Variants in CREBBP observed in about 807,000 individuals in gnomAD.
The protein encoded by CREBBP is CREB binding lysine acetyltransferase, also known as CREB-binding protein.
In CREBBP, 19 loss-of-function variants were observed where a neutral mutation model predicts 265.0. That is an observed-to-expected ratio of 0.07 (90% CI 0.05 to 0.11). The LOEUF is 0.11. CREBBP is among the 10% of genes least tolerant of loss of function. The probability of loss-of-function intolerance (pLI) is 1.00; values close to 1 mark genes in which losing one functional copy is unlikely to be tolerated. For synonymous variants in CREBBP, 1,457 were observed against 1,223.7 expected, an observed-to-expected ratio of 1.19 and a Z score of -3.98; for missense variants, 2,525 against 3,219.0, an observed-to-expected ratio of 0.78 and a Z score of 5.22.
At chr16:3,779,921 T>A (rs2053233255) in intron 8 of CREBBP, among the ~76,000 whole-genome samples, 1 of 151,934 alleles carries the variant, frequency 6.6e-6, no homozygotes, top group Non-Finnish European at 1.5e-5. Context: ...TTGGGTAACC[T>A]GGCAAGACTC....
chr16:3,835,664 C>T (rs867436742), intron 2 of CREBBP, among the ~76,000 whole-genome samples: 7 of 148,898 alleles, frequency 4.7e-5, no homozygotes, highest in South Asian at 2.1e-4. Flanking sequence ...ACTGCAAGCT[C>T]CGCCTCCCAG....
intron 2 of CREBBP, among the ~76,000 whole-genome samples, chr16:3,819,336 C>T (rs1301513692): frequency 6.6e-6 from 1 of 152,204 alleles, no homozygotes; most frequent in African/African-American, 2.4e-5. Flanking sequence ...TGCGTGAGAA[C>T]TAAACAAGTT....
chr16:3,880,164 G>GGCCCCCTCATCCCCT lies in CREBBP; in HGVS notation c.-263_-249dup, dbSNP rs2055501450. 8.0e-6 allele frequency: 1 copy of GGCCCCCTCATCCCCT among 125,160 alleles called. No individual in the cohort carries two copies. The highest frequency in any genetic ancestry group is 1.7e-5 in the Non-Finnish European group (1 of 58,182). The allele number at this position is 125,160 out of a possible 1,614,324, so 7.8% of individuals were successfully genotyped here. ...GGCCGCCGCCGCCGCCGCCGGCCGCGGCCCCCTCATCCCCTGCCCGCCTCC... is the reference window on the plus strand; with the variant it reads ...GGCCGCCGCCGCCGCCGCCGGCCGCGGCCCCCTCATCCCCTGCCCCCTCATCCCCTGCCCGCCTCC... On this transcript the variant is annotated 5_prime_UTR_variant, in exon 1 of 31. The change creates a new upstream start codon in the 5' untranslated region. Coordinates refer to ENST00000262367, the MANE Select transcript of CREBBP (RefSeq NM_004380.3).
intron 5 of CREBBP, chr16:3,791,179 G>C (rs1315607817): frequency 6.5e-6 from 1 of 152,942 alleles, no homozygotes; most frequent in Non-Finnish European, 1.5e-5. Flanking sequence ...CACACCCAAA[G>C]ACCACAGTTT....
intron 23 of CREBBP, 161 bp from the exon 24 acceptor site, chr16:3,740,710 G>GT: frequency 1.1e-6 from 1 of 880,928 alleles, no homozygotes; most frequent in Non-Finnish European, 1.8e-6. Context: ...TGACACGAGT[G>GT]TTATATAAAG....
rs746343058 is a variant in CREBBP at position 3,757,968 on chromosome 16, G to A, written c.3450C>T (p.Pro1150=). The change falls in exon 18 of 31, where the codon CCC becomes CCT. Residue 1150 remains proline (P), a synonymous_variant. Transcript: ENST00000262367. ...GCCAGACGTCGTCCACGTACTGCCA[G>A]GGCTCTTGGTATTGCCCTGTGTCCA... ...RKLDTGQYQE[P]WQYVDDVWLM... The A allele has an allele frequency of 9.3e-6, 15 of 1,613,792 alleles. No individual in the cohort carries two copies. Among genetic ancestry groups the A allele is most frequent in the Non-Finnish European group, 1.3e-5 (15 of 1,180,008 alleles).
At position 3,759,530 on chromosome 16, in the gene CREBBP, T is replaced by C. The variant is rs554458147; in HGVS notation, c.3251-558A>G. ...TGAACCCAGGAGACGGAGGTTGCAGTGAGCCGAGATTGCGCCACTGCACTC... is the reference window on the plus strand; with the variant it reads ...TGAACCCAGGAGACGGAGGTTGCAGCGAGCCGAGATTGCGCCACTGCACTC... On this transcript the variant is annotated intron_variant, in intron 16 of 30. Transcript: ENST00000262367. Among the ~76,000 whole-genome samples, 3 of 148,406 alleles carry C rather than the reference T, an allele frequency of 2.0e-5. No individual in the cohort carries two copies. In the East Asian group the frequency reaches 6.0e-4, roughly 30 times the overall value.
At chr16:3,848,585 CT>C (rs1457106778) in intron 2 of CREBBP, among the ~76,000 whole-genome samples, 1 of 151,980 alleles carries the variant, frequency 6.6e-6, no homozygotes, top group African/African-American at 2.4e-5. Context: ...AAAGAAATCT[CT>C]TTGGGGTCCT....
At chr16:3,851,306 T>TAAAAAAAAAAAAAAAAAAAAAAAAATA (rs1160251196) in intron 1 of CREBBP, among the ~76,000 whole-genome samples, 5 of 76,484 alleles carry the variant, frequency 6.5e-5, no homozygotes, top group Non-Finnish European at 1.5e-4. Flanking sequence ...AAAAAAAAAT[T>TAAAAAAAAAAAAAAAAAAAAAAAAATA]AAAAAAAAAA....
At position 3,726,388 on chromosome 16, in the gene CREBBP, C is replaced by T. The variant is rs1028683030; in HGVS notation, c.*1330G>A. ...GTGAGCGACAATCACCTGTGAGCCT[C>T]GAATGTGTGGGGCCAACGCTGAGCC... is the stretch of plus-strand genomic sequence containing the variant. On this transcript the variant is annotated 3_prime_UTR_variant, in exon 31 of 31. Coordinates refer to ENST00000262367, the MANE Select transcript of CREBBP (RefSeq NM_004380.3). 3.9e-5 allele frequency: 9 copies of T among 233,222 alleles called. No homozygotes were observed. Among genetic ancestry groups the T allele is most frequent in the Non-Finnish European group, 6.8e-5 (8 of 118,102 alleles). The allele number at this position is 233,222 out of a possible 1,614,324, so 14.4% of individuals were successfully genotyped here.
At chr16:3,773,691 C>A (rs2141213685) in intron 13 of CREBBP, 60 bp downstream of exon 13, 1 of 1,576,632 alleles carries the variant, frequency 6.3e-7, no homozygotes, top group South Asian at 1.2e-5. Flanking sequence ...AAAAAAAAAC[C>A]AAAACTTAAC....
At chr16:3,735,834 C>T (rs1596803036) in intron 28 of CREBBP, among the ~76,000 whole-genome samples, 1 of 152,180 alleles carries the variant, frequency 6.6e-6, no homozygotes. Context: ...ACCCCCAGCT[C>T]CCCAGAGCAT....
In CREBBP at chr16:3,731,871, T is replaced by C. The variant is rs766942126; in HGVS notation, c.4795A>G (p.Ser1599Gly). The change falls in exon 29 of 31, where the codon AGC (serine) becomes GGC (glycine). Residue 1599 changes from serine to glycine, a missense_variant. By Grantham distance (56) the Ser-to-Gly change is moderately conservative. Coordinates refer to ENST00000262367, the MANE Select transcript of CREBBP (RefSeq NM_004380.3). This position sits in a 1 kb window ranked among gnomAD's most constrained non-coding sequence, Gnocchi z 7.7. ...TTCTTCTTGTTGGCGCGGCTGATGCTGCTTTTGTTCTTGTTGGTTTTCTTG... is the reference window on the plus strand; with the variant it reads ...TTCTTCTTGTTGGCGCGGCTGATGCCGCTTTTGTTCTTGTTGGTTTTCTTG... Reference protein sequence around the residue: ...NNKKTNKNKSSISRANKKKPS... With the variant: ...NNKKTNKNKSGISRANKKKPS... 1 of 1,614,274 alleles carries C rather than the reference T, an allele frequency of 6.2e-7. No homozygotes were observed. The highest frequency in any genetic ancestry group is 1.7e-5 in the Admixed American group (1 of 60,034).
intron 21 of CREBBP, among the ~76,000 whole-genome samples, chr16:3,746,952 A>G (rs2052356570): frequency 6.6e-6 from 1 of 152,104 alleles, no homozygotes; most frequent in South Asian, 2.1e-4. Flanking sequence ...TTCAAAAACA[A>G]CAAACAAAAT....
At chr16:3,745,024 A>C in intron 22 of CREBBP, 63 bp from the exon 23 acceptor site, 2 of 1,223,040 alleles carry the variant, frequency 1.6e-6, no homozygotes, top group Non-Finnish European at 2.4e-6. Flanking sequence ...AACCAACAAA[A>C]TGCAGCATTC....
rs1282399175 is a variant in CREBBP, at chr16:3,759,211, G to C, written c.3251-239C>G. Among the ~76,000 whole-genome samples the C allele has an allele frequency of 2.0e-5, 3 of 152,268 alleles. No individual in the cohort carries two copies. The East Asian group carries it at 5.8e-4, about 29-fold the overall frequency. On this transcript the variant is annotated intron_variant, in intron 16 of 30. Coordinates refer to ENST00000262367, the MANE Select transcript of CREBBP (RefSeq NM_004380.3). ...TGGGAAGTTTGCTTCTTCCATGAAAGGTTTCCAACATTAAAAACTTGGCTG... is the reference window on the plus strand; with the variant it reads ...TGGGAAGTTTGCTTCTTCCATGAAACGTTTCCAACATTAAAAACTTGGCTG...
intron 2 of CREBBP, among the ~76,000 whole-genome samples, chr16:3,839,784 G>C (rs779383001): frequency 2.1e-5 from 3 of 144,802 alleles, no homozygotes; most frequent in Non-Finnish European, 3.0e-5. Flanking sequence ...AGGGAAGGAA[G>C]GAAGGAAAAG....
At chr16:3,802,868 C>T (rs1317519593) in intron 3 of CREBBP, among the ~76,000 whole-genome samples, 1 of 152,170 alleles carries the variant, frequency 6.6e-6, no homozygotes, top group African/African-American at 2.4e-5. Flanking sequence ...GACTCCTCCA[C>T]AACCTCCACC....
At chr16:3,804,752 C>T (rs2053794739) in intron 3 of CREBBP, among the ~76,000 whole-genome samples, 1 of 152,206 alleles carries the variant, frequency 6.6e-6, no homozygotes, top group Admixed American at 6.5e-5. Flanking sequence ...AAGTATGCAG[C>T]ACATCTTGTG....
Sources: gnomAD v4.1 joint callset for allele counts (sites outside exome capture counted in the v4.1 genomes callset) on GRCh38, gnomAD v4.1.1 for gene constraint, Gnocchi (gnomAD v3.1) non-coding constraint, MANE v1.5 for transcripts, NCBI Gene and HGNC (gene_info 2026-07-23, HGNC 2026-07-21) for gene names.